The following TOP3B variants were observed in gnomAD, a reference collection of about 807,000 sequenced individuals.
TOP3B encodes the protein DNA topoisomerase 3-beta-1.
In TOP3B, 45 loss-of-function variants were observed where a neutral mutation model predicts 93.9. The ratio of observed to expected loss-of-function variants is 0.48; its 90% CI spans 0.38 to 0.61. The LOEUF (loss-of-function observed/expected upper bound fraction) is 0.61. Among genes scored for constraint, TOP3B ranks in the 20% least tolerant of loss-of-function variants. The probability of loss-of-function intolerance (pLI) is 0.00; values close to 1 mark genes in which losing one functional copy is unlikely to be tolerated. For missense variants in TOP3B, 750 were observed against 1,156.1 expected, an observed-to-expected ratio of 0.65 and a Z score of 5.09; for synonymous variants, 357 against 472.6, an observed-to-expected ratio of 0.76 and a Z score of 3.17.
rs774744043 is a variant in TOP3B, at chr22:21,974,376, C to T, written c.183G>A (p.Val61=). The part of the protein sequence containing the change: ...RFKMTSVCGH[V]MTLDFLGKYN... Reference sequence around the variant, plus strand: ...GCTTACCCAGGAAATCCAGGGTCATCACGTGACCACAGACAGACGTCATCT... The same window carrying T: ...GCTTACCCAGGAAATCCAGGGTCATTACGTGACCACAGACAGACGTCATCT... Residue 61 remains valine (V), a synonymous_variant, in exon 3 of 18, where the codon GTG becomes GTA. Coordinates refer to ENST00000357179, the MANE Select transcript of TOP3B (RefSeq NM_001282112.2). 2.5e-6 allele frequency: 4 copies of T among 1,614,100 alleles called. 1 individual carries two copies. The South Asian group carries it at 3.3e-5, about 13-fold the overall frequency.
chr22:21,959,556 T>C, intron 15 of TOP3B, 31 bp downstream of exon 15: 2 of 1,580,152 alleles, frequency 1.3e-6, no homozygotes, highest in Non-Finnish European at 1.7e-6. Context: ...GACACCCCTC[T>C]GGTGAGGGGC....
intron 2 of TOP3B, 72 bp from the exon 3 acceptor site, chr22:21,974,560 G>A: frequency 1.6e-5 from 23 of 1,482,078 alleles, no homozygotes; most frequent in Non-Finnish European, 2.1e-5. Context: ...CCCCAGCCCG[G>A]ATGCCACCTC....
At position 21,960,431 on chromosome 22, in the gene TOP3B, G is replaced by A; in HGVS notation, c.1544C>T (p.Pro515Leu). 1.2e-6 allele frequency: 2 copies of A among 1,613,554 alleles called. No homozygotes were observed. The highest frequency in any genetic ancestry group is 1.7e-6 in the Non-Finnish European group (2 of 1,179,976). The change falls in exon 14 of 18, where the codon CCT becomes CTT. Residue 515 changes from proline (P) to leucine (L), a missense_variant. By Grantham distance (98) the Pro-to-Leu change is moderately conservative. Transcript: ENST00000357179. Reference sequence around the variant, plus strand: ...CTGGCAGATGTTGTTGATATGCACAGGGATGCTGGCATCCGTGCCTGCAAT... The same window carrying A: ...CTGGCAGATGTTGTTGATATGCACAAGGATGCTGGCATCCGTGCCTGCAAT... ...KHGIGTDASI[P>L]VHINNICQRN... is the part of the protein sequence containing the mutation.
intron 9 of TOP3B, 120 bp from the exon 10 acceptor site, chr22:21,964,435 T>A: frequency 8.2e-7 from 1 of 1,221,610 alleles, no homozygotes; most frequent in Non-Finnish European, 1.2e-6. Context: ...TGACGGTGGC[T>A]CTGAGCAGGC....
rs1295955673 is a variant in TOP3B at position 21,974,366 on chromosome 22, C to G, written c.193G>C (p.Asp65His). ...GGGTAGAGGGGCTTACCCAGGAAAT[C>G]CAGGGTCATCACGTGACCACAGACA... ...TSVCGHVMTL[D>H]FLGKYNKWDK... Residue 65 changes from aspartate (D) to histidine (H), a missense_variant, in exon 3 of 18, where the codon GAT (aspartate) becomes CAT (histidine). Physicochemically the swap from Asp to His is moderately conservative, Grantham distance 81 (BLOSUM62 -1). Transcript: ENST00000357179. The G allele has an allele frequency of 1.2e-6, 2 of 1,613,844 alleles. No individual in the cohort carries two copies. Among genetic ancestry groups the G allele is most frequent in the South Asian group, 1.1e-5 (1 of 91,066 alleles).
At chr22:21,968,857 C>T (rs746751601) in intron 6 of TOP3B, 82 bp from the exon 7 acceptor site, 1 of 1,507,016 alleles carries the variant, frequency 6.6e-7, no homozygotes, top group Non-Finnish European at 9.1e-7. Context: ...AGCCCAAGGC[C>T]AGGGGTGGTG....
chr22:21,968,882 C>T (rs1186750187), intron 6 of TOP3B, 107 bp from the exon 7 acceptor site: 2 of 1,293,280 alleles, frequency 1.5e-6, no homozygotes, highest in African/African-American at 2.9e-5. Flanking sequence ...AAGGAGGTGG[C>T]ATCAGGTGGT....
chr22:21,972,138 T>G, intron 4 of TOP3B, 187 bp from the exon 5 acceptor site: 2 of 560,974 alleles, frequency 3.6e-6, no homozygotes, highest in South Asian at 4.8e-5. Context: ...GAATTGAGTT[T>G]ATAATTGATG....
intron 16 of TOP3B, 90 bp from the exon 17 acceptor site, chr22:21,958,783 ATCTG>A (rs1393586432): frequency 3.4e-6 from 5 of 1,459,360 alleles, no homozygotes; most frequent in African/African-American, 1.4e-5. Flanking sequence ...AAAGTATGTA[ATCTG>A]TCATGCAGAA....
chr22:21,964,251 G>A lies in TOP3B; in HGVS notation c.1008C>T (p.Tyr336=). ...GGTAGTGGGTGGTCTCTGTCCGTGG[G>A]TAGCTGATGTAGCCTTGCGTGTAGA... ...ERLYTQGYIS[Y]PRTETTHYPE... is the part of the protein sequence containing the mutation. The change falls in exon 10 of 18, where the codon TAC becomes TAT. Residue 336 remains tyrosine, a synonymous_variant. Coordinates refer to ENST00000357179, the MANE Select transcript of TOP3B (RefSeq NM_001282112.2). 6.2e-7 allele frequency: 1 copy of A among 1,614,162 alleles called. No individual in the cohort carries two copies. The highest frequency in any genetic ancestry group is 2.2e-5 in the East Asian group (1 of 44,890).
Position 21,959,126 on chromosome 22 carries a change from A to G in TOP3B, c.1905+6T>C. ...GCTTGCCTGAGCTAGTGTTCCCTGC[A>G]CCTACCTGGATGTACTTCATGAAGC... On this transcript the variant is annotated splice_donor_region_variant and intron_variant, in intron 16 of 17. Coordinates refer to ENST00000357179, the MANE Select transcript of TOP3B (RefSeq NM_001282112.2). 1.2e-6 allele frequency: 2 copies of G among 1,613,670 alleles called. No individual in the cohort carries two copies. Among genetic ancestry groups the G allele is most frequent in the Non-Finnish European group, 1.7e-6 (2 of 1,179,942 alleles).
At chr22:21,962,145 C>G (rs1363649846) in intron 13 of TOP3B, 1 of 1,370,930 alleles carries the variant, frequency 7.3e-7, no homozygotes, top group Non-Finnish European at 9.5e-7. Flanking sequence ...CTGGGCCAAT[C>G]TTCAGCCTTG....
intron 9 of TOP3B, 140 bp from the exon 10 acceptor site, chr22:21,964,455 G>T: frequency 1.0e-6 from 1 of 978,572 alleles, no homozygotes; most frequent in Non-Finnish European, 1.5e-6. Flanking sequence ...CACAGCTGGA[G>T]TGCAAAGCTG....
chr22:21,967,923 C>T (rs1319269664), intron 7 of TOP3B: 4 of 550,246 alleles, frequency 7.3e-6, no homozygotes, highest in Non-Finnish European at 1.3e-5. Context: ...AACCAGGCAG[C>T]CAGTCTCAGG....
At chr22:21,972,776 A>G in intron 3 of TOP3B, 58 bp from the exon 4 acceptor site, 1 of 1,414,450 alleles carries the variant, frequency 7.1e-7, no homozygotes. Context: ...AGACCATCAT[A>G]ACCCCAGGAG....
chr22:21,982,725 C>T lies in TOP3B; in HGVS notation c.-99+5G>A, dbSNP rs1446021600. 6.6e-6 allele frequency: 1 copy of T among 152,264 alleles called. No individual in the cohort carries two copies. Among genetic ancestry groups the T allele is most frequent in the Non-Finnish European group, 1.5e-5 (1 of 68,050 alleles). The allele number at this position is 152,264 out of a possible 1,614,324, so 9.4% of individuals were successfully genotyped here. On this transcript the variant is annotated splice_donor_5th_base_variant and intron_variant, in intron 1 of 17. Coordinates refer to ENST00000357179, the MANE Select transcript of TOP3B (RefSeq NM_001282112.2). ...CGGGCGAGGGTCCCGCAGCCCGCCGCTCACCCACAGCCGCACCGCGGATCC... is the reference window on the plus strand; with the variant it reads ...CGGGCGAGGGTCCCGCAGCCCGCCGTTCACCCACAGCCGCACCGCGGATCC...
At chr22:21,967,457 C>T in intron 8 of TOP3B, 146 bp downstream of exon 8, 1 of 667,468 alleles carries the variant, frequency 1.5e-6, no homozygotes. Context: ...AGGGAGTAAC[C>T]ATTCAGCTTT....
chr22:21,974,279 C>T, intron 3 of TOP3B, 78 bp downstream of exon 3: 1 of 1,528,066 alleles, frequency 6.5e-7, no homozygotes, highest in Non-Finnish European at 8.9e-7. Flanking sequence ...TGCCTAGAGG[C>T]ATCTCCTGGC....
chr22:21,963,523 C>T lies in TOP3B; in HGVS notation c.1204+400G>A. On this transcript the variant is annotated intron_variant, in intron 11 of 17. Transcript: ENST00000357179. The surrounding 1 kb of genome is among the most constrained non-coding windows in gnomAD (Gnocchi z 4.8). ...TGACATGACACCATTGCTTCAAACT[C>T]AGACTGTCCACAGGTGGCTCCTGTC... The T allele has an allele frequency of 4.6e-6, 1 of 217,056 alleles. No homozygotes were observed. The highest frequency in any genetic ancestry group is 9.3e-6 in the Non-Finnish European group (1 of 107,832). 13.4% of individuals were successfully genotyped at this position (217,056 alleles called of 1,614,324 possible).
Sources: gnomAD v4.1 joint callset for allele counts on GRCh38, gnomAD v4.1.1 for gene constraint, Gnocchi (gnomAD v3.1) non-coding constraint, MANE v1.5 for transcripts, NCBI Gene and HGNC (gene_info 2026-07-23, HGNC 2026-07-21) for gene names.